The following GIPC1 variants were observed in gnomAD, a reference collection of about 807,000 sequenced individuals.
GIPC1 encodes PDZ domain-containing protein GIPC1.
A neutral mutation model predicts 28.5 loss-of-function variants in GIPC1; 15 were observed. The ratio of observed to expected loss-of-function variants is 0.53; its 90% CI spans 0.35 to 0.81. GIPC1 has a LOEUF of 0.81. GIPC1 is among the 30% of genes least tolerant of loss of function. GIPC1 has a pLI of 0.01. For synonymous variants in GIPC1, 224 were observed against 206.1 expected (o/e 1.09, Z -0.74); for missense variants, 439 against 481.9 (o/e 0.91, Z 0.83).
chr19:14,482,835 G>A lies in GIPC1; in HGVS notation c.142C>T (p.Pro48Ser), dbSNP rs1160922774. 7 of 1,576,010 alleles carry A rather than the reference G, an allele frequency of 4.4e-6. No individual in the cohort carries two copies. The highest frequency in any genetic ancestry group is 6.0e-6 in the Non-Finnish European group (7 of 1,161,640). The change falls in exon 4 of 9, where the codon CCC becomes TCC. Residue 48 changes from proline to serine, a missense_variant. Transcript: ENST00000393033. Reference sequence around the variant, plus strand: ...GGCCGCAGGGCTGGGGGAGGGGGGGGCAAGCCCATTTGGGGGCCCCCCGAC... The same window carrying A: ...GGCCGCAGGGCTGGGGGAGGGGGGGACAAGCCCATTTGGGGGCCCCCCGAC... The part of the protein sequence containing the change: ...GGSGGPQMGL[P>S]PPPPALRPRL...
chr19:14,484,474 G>A (rs1014501106), intron 3 of GIPC1, among the ~76,000 whole-genome samples: 2 of 151,660 alleles, frequency 1.3e-5, no homozygotes, highest in East Asian at 2.0e-4. Flanking sequence ...GGCCGGGTGC[G>A]GTGGCTCATG....
chr19:14,489,137 G>T (rs1004397330), intron 3 of GIPC1, among the ~76,000 whole-genome samples: 1 of 151,888 alleles, frequency 6.6e-6, no homozygotes, highest in Non-Finnish European at 1.5e-5. Flanking sequence ...TGCCCAGATT[G>T]GTCCTGAACT....
chr19:14,479,988 G>A (rs901855606), intron 6 of GIPC1: 1 of 505,180 alleles, frequency 2.0e-6, no homozygotes, highest in Admixed American at 3.7e-5. Context: ...GGAAAAGTGG[G>A]GGGGCTGGCA....
chr19:14,486,533 G>A (rs1487851274), intron 3 of GIPC1, among the ~76,000 whole-genome samples: 1 of 152,098 alleles, frequency 6.6e-6, no homozygotes, highest in Non-Finnish European at 1.5e-5. Flanking sequence ...TGATATGGTG[G>A]CGACTCTATG....
intron 3 of GIPC1, among the ~76,000 whole-genome samples, chr19:14,487,534 G>A (rs947354759): frequency 1.3e-5 from 2 of 151,694 alleles, no homozygotes; most frequent in Admixed American, 6.6e-5. Context: ...GCACCCGGCC[G>A]AAGAGATGTC....
rs897512514 is a variant in GIPC1 at position 14,479,543 on chromosome 19, G to C, written c.656-19C>G. The C allele has an allele frequency of 7.6e-7, 1 of 1,313,402 alleles. No individual in the cohort carries two copies. The highest frequency in any genetic ancestry group is 1.0e-6 in the Non-Finnish European group (1 of 989,672). The allele number at this position is 1,313,402 out of a possible 1,614,324, so 81.4% of individuals were successfully genotyped here. Reference sequence around the variant, plus strand: ...ATCATGTCTGTGGGAGGCAGGAGAGGAGTGAGTGTGGGGGAAGCTTGGTTT... The same window carrying C: ...ATCATGTCTGTGGGAGGCAGGAGAGCAGTGAGTGTGGGGGAAGCTTGGTTT... On this transcript the variant is annotated intron_variant, in intron 6 of 8. Coordinates refer to ENST00000393033, the MANE Select transcript of GIPC1 (RefSeq NM_005716.4).
chr19:14,484,018 T>C (rs1365449411), intron 3 of GIPC1, among the ~76,000 whole-genome samples: 1 of 151,982 alleles, frequency 6.6e-6, no homozygotes, highest in African/African-American at 2.4e-5. Flanking sequence ...TTTATTTTTT[T>C]GAGATGGAGT....
At chr19:14,484,310 A>G (rs2071792564) in intron 3 of GIPC1, among the ~76,000 whole-genome samples, 1 of 151,434 alleles carries the variant, frequency 6.6e-6, no homozygotes, top group African/African-American at 2.4e-5. Flanking sequence ...TAATTTCTAC[A>G]TTTTTGGTAG....
chr19:14,492,353 C>T (rs2071991447), intron 2 of GIPC1, among the ~76,000 whole-genome samples: 1 of 151,372 alleles, frequency 6.6e-6, no homozygotes, highest in Non-Finnish European at 1.5e-5. Context: ...GTTGCCCAGG[C>T]TGGAGTGCAG....
intron 2 of GIPC1, among the ~76,000 whole-genome samples, chr19:14,492,351 G>A (rs2071991400): frequency 6.6e-6 from 1 of 151,706 alleles, no homozygotes; most frequent in Non-Finnish European, 1.5e-5. Context: ...CTGTTGCCCA[G>A]GCTGGAGTGC....
chr19:14,492,516 C>T (rs2071995351), intron 2 of GIPC1, among the ~76,000 whole-genome samples: 1 of 152,126 alleles, frequency 6.6e-6, no homozygotes, highest in African/African-American at 2.4e-5. Context: ...TCATGTTAGC[C>T]AGGATGGTCT....
intron 1 of GIPC1, 125 bp from the exon 2 acceptor site, chr19:14,493,037 G>T (rs73001000): frequency 0.22 from 33,912 of 152,372 alleles, 4,261 homozygotes; most frequent in Middle Eastern, 0.34. Flanking sequence ...ATTACTATGG[G>T]TGTCTCCTCC....
chr19:14,480,396 G>A lies in GIPC1; in HGVS notation c.564C>T (p.Gly188=). Residue 188 remains glycine (G), a synonymous_variant, in exon 6 of 9, where the codon GGC becomes GGT. Transcript: ENST00000393033. The stretch of plus-strand genomic sequence containing the variant: ...GCCGGGCCACCTCGTAGTGCCGGCA[G>A]CCCAGCAGGCTCTGCCCGTTAATGG... ...IEAINGQSLL[G]CRHYEVARLL... 1 of 1,613,288 alleles carries A rather than the reference G, an allele frequency of 6.2e-7. No homozygotes were observed. Among genetic ancestry groups the A allele is most frequent in the Non-Finnish European group, 8.5e-7 (1 of 1,179,836 alleles).
chr19:14,485,702 T>TATATAGAGAGAGAGAGAG (rs1300117748), intron 3 of GIPC1, among the ~76,000 whole-genome samples: 4 of 58,800 alleles, frequency 6.8e-5, no homozygotes, highest in Admixed American at 6.6e-4. Context: ...TATATATATA[T>TATATAGAGAGAGAGAGAG]AGAGAGAGAG....
intron 4 of GIPC1, among the ~76,000 whole-genome samples, chr19:14,481,348 A>AT: frequency 6.6e-6 from 1 of 152,054 alleles, no homozygotes; most frequent in East Asian, 1.9e-4. Context: ...AGCTCCAGTG[A>AT]TCCCCCCATC....
intron 3 of GIPC1, among the ~76,000 whole-genome samples, chr19:14,487,439 T>A (rs2071873339): frequency 6.7e-6 from 1 of 150,132 alleles, no homozygotes; most frequent in Non-Finnish European, 1.5e-5. Flanking sequence ...TTTCACTACG[T>A]TGGCCAGGCT....
intron 3 of GIPC1, among the ~76,000 whole-genome samples, chr19:14,484,124 TGA>T (rs1489665963): frequency 7.2e-6 from 1 of 138,012 alleles, no homozygotes. Flanking sequence ...GAAGAGACCC[TGA>T]CTCTTTTTTT....
In GIPC1 at chr19:14,483,033, G is replaced by C. The variant is rs532912349; in HGVS notation, c.-30-27C>G. ...TGCAGGACAGGAAGTGGGGCTCAGG[G>C]CCTGGGCAGAGGCCTTGGGTGCCCC... On this transcript the variant is annotated intron_variant, in intron 3 of 8. Coordinates refer to ENST00000393033, the MANE Select transcript of GIPC1 (RefSeq NM_005716.4). The C allele has an allele frequency of 1.9e-6, 3 of 1,547,462 alleles. No homozygotes were observed. The African/African-American group carries it at 4.1e-5, about 21-fold the overall frequency.
chr19:14,491,127 T>G (rs543101010), intron 3 of GIPC1, among the ~76,000 whole-genome samples: 29 of 152,080 alleles, frequency 1.9e-4, no homozygotes, highest in African/African-American at 6.5e-4. Flanking sequence ...CTGGCCAACA[T>G]GGTGTGAGCC....
Sources: gnomAD v4.1 joint callset for allele counts (sites outside exome capture counted in the v4.1 genomes callset) on GRCh38, gnomAD v4.1.1 for gene constraint, MANE v1.5 for transcripts, NCBI Gene and HGNC (gene_info 2026-07-23, HGNC 2026-07-21) for gene names.